Variants in EPHA6 observed in about 807,000 individuals in gnomAD.
EPHA6 encodes ephrin type-A receptor 6.
In EPHA6, 50 loss-of-function variants were observed where a neutral mutation model predicts 112.0. That is an observed-to-expected ratio of 0.45 (90% CI 0.36 to 0.56). The LOEUF is 0.56. EPHA6 is among the 20% of genes least tolerant of loss of function. EPHA6 has a pLI of 0.00. For synonymous variants in EPHA6, 529 were observed against 490.7 expected (o/e 1.08, Z -1.03); for missense variants, 1,280 against 1,417.4 (o/e 0.90, Z 1.56).
intron 3 of EPHA6, among the ~76,000 whole-genome samples, chr3:97,187,845 GA>G: frequency 1.3e-5 from 2 of 152,190 alleles, no homozygotes; most frequent in East Asian, 3.9e-4. Context: ...TACAGAGGGG[GA>G]GGTGCAGTCC....
chr3:97,003,117 T>C (rs1485147894), intron 3 of EPHA6, among the ~76,000 whole-genome samples: 4 of 152,086 alleles, frequency 2.6e-5, no homozygotes, highest in African/African-American at 9.7e-5. Context: ...TTTTCTTTTT[T>C]TTCTTTTGAG....
At chr3:97,062,741 C>T (rs191119737) in intron 3 of EPHA6, among the ~76,000 whole-genome samples, 2 of 152,254 alleles carry the variant, frequency 1.3e-5, no homozygotes, top group Non-Finnish European at 2.9e-5. Context: ...TTGCCTGTCA[C>T]CATGTAAGGT....
intron 3 of EPHA6, among the ~76,000 whole-genome samples, chr3:97,019,409 GT>G (rs773588098): frequency 6.6e-6 from 1 of 151,852 alleles, no homozygotes; most frequent in Non-Finnish European, 1.5e-5. Flanking sequence ...CACAAATGCA[GT>G]TTTTTTTCTT....
chr3:96,926,460 C>G (rs1273013579), intron 2 of EPHA6, among the ~76,000 whole-genome samples: 3 of 152,166 alleles, frequency 2.0e-5, no homozygotes, highest in Non-Finnish European at 2.9e-5. Flanking sequence ...CAACAGTCTT[C>G]CAAAGTCTTA....
chr3:96,814,780 C>G lies in EPHA6; in HGVS notation c.157C>G (p.Arg53Gly). 1.2e-6 allele frequency: 2 copies of G among 1,602,458 alleles called. No individual in the cohort carries two copies. Among genetic ancestry groups the G allele is most frequent in the Non-Finnish European group, 1.7e-6 (2 of 1,173,662 alleles). Residue 53 changes from arginine to glycine, a missense_variant, in exon 1 of 18, where the codon CGG (arginine) becomes GGG (glycine). Physicochemically the swap from Arg to Gly is moderately radical, Grantham distance 125. Around this residue, in one of 4 missense-constraint regions of EPHA6, gnomAD observed 220 missense variants for 171.5 expected, o/e 1.28. Transcript: ENST00000389672. ...GCGCCCCGGGACACCCCCTGCGGGC[C>G]GGGTGGAGGAGGAAGAGGAGGAGGA... ...RGRPGTPPAGRVEEEEEEEEE... is the reference protein window; with the variant it reads ...RGRPGTPPAGGVEEEEEEEEE...
chr3:97,646,035 AG>A, intron 14 of EPHA6: 3 of 1,027,972 alleles, frequency 2.9e-6, no homozygotes, highest in South Asian at 2.0e-5. Flanking sequence ...TCTTTAGAAC[AG>A]TATGCTACAT....
At chr3:97,077,125 T>C (rs192232415) in intron 3 of EPHA6, among the ~76,000 whole-genome samples, 15 of 152,286 alleles carry the variant, frequency 9.8e-5, no homozygotes, top group African/African-American at 3.6e-4. Flanking sequence ...CTGCCCTGAA[T>C]AGTGATTCTT....
At chr3:97,268,779 G>A (rs1426713953) in intron 5 of EPHA6, among the ~76,000 whole-genome samples, 1 of 152,126 alleles carries the variant, frequency 6.6e-6, no homozygotes, top group East Asian at 1.9e-4. Flanking sequence ...CTTTAGAGGA[G>A]AAGATATTTA....
At chr3:96,835,005 A>G (rs1047461473) in intron 1 of EPHA6, among the ~76,000 whole-genome samples, 3 of 152,102 alleles carry the variant, frequency 2.0e-5, no homozygotes, top group African/African-American at 7.2e-5. Flanking sequence ...TCATTCAGTC[A>G]TCACATCTGA....
intron 14 of EPHA6, among the ~76,000 whole-genome samples, chr3:97,653,894 G>T (rs947276604): frequency 6.6e-6 from 1 of 151,852 alleles, no homozygotes; most frequent in Non-Finnish European, 1.5e-5. Context: ...CAGAATCAGA[G>T]AGACAAATAC....
chr3:97,014,212 T>G (rs2044187273), intron 3 of EPHA6, among the ~76,000 whole-genome samples: 1 of 152,056 alleles, frequency 6.6e-6, no homozygotes, highest in Non-Finnish European at 1.5e-5. Flanking sequence ...TCCAACTCAT[T>G]CATTCTAATT....
chr3:97,503,217 A>T (rs1335574398), intron 10 of EPHA6, among the ~76,000 whole-genome samples: 1 of 152,206 alleles, frequency 6.6e-6, no homozygotes, highest in African/African-American at 2.4e-5. Context: ...TATTCATTAC[A>T]TAAATTGTGT....
At chr3:96,921,097 G>C (rs1353910706) in intron 2 of EPHA6, among the ~76,000 whole-genome samples, 1 of 151,906 alleles carries the variant, frequency 6.6e-6, no homozygotes, top group Non-Finnish European at 1.5e-5. Context: ...TAAGGACTAT[G>C]CGTATAACTA....
chr3:96,873,692 G>A (rs989645694), intron 2 of EPHA6, among the ~76,000 whole-genome samples: 1 of 151,892 alleles, frequency 6.6e-6, no homozygotes, highest in Non-Finnish European at 1.5e-5. Context: ...CTTACAAATC[G>A]GTAAAGGAAG....
intron 3 of EPHA6, among the ~76,000 whole-genome samples, chr3:97,197,908 G>A (rs975782719): frequency 2.0e-5 from 3 of 151,974 alleles, no homozygotes; most frequent in African/African-American, 7.3e-5. Flanking sequence ...TCTTCTGTGG[G>A]CACCAGCTGA....
At chr3:97,340,065 A>ATAAAAAATTTTTGAGATGGATATT (rs2083233006) in intron 5 of EPHA6, among the ~76,000 whole-genome samples, 1 of 152,242 alleles carries the variant, frequency 6.6e-6, no homozygotes, top group Non-Finnish European at 1.5e-5. Context: ...TTCAAAATAG[A>ATAAAAAATTTTTGAGATGGATATT]TAAAAAATTT....
At chr3:97,410,044 T>C (rs1440397457) in intron 6 of EPHA6, among the ~76,000 whole-genome samples, 19 of 152,038 alleles carry the variant, frequency 1.2e-4, no homozygotes, top group Non-Finnish European at 1.5e-5. Context: ...GTGGAAAGCT[T>C]TTCATTATGG....
intron 3 of EPHA6, among the ~76,000 whole-genome samples, chr3:97,079,957 T>C (rs1376927815): frequency 6.6e-6 from 1 of 152,016 alleles, no homozygotes; most frequent in African/African-American, 2.4e-5. Flanking sequence ...TTTCAACATG[T>C]TGCTGTTGCA....
intron 3 of EPHA6, among the ~76,000 whole-genome samples, chr3:97,083,777 T>A (rs2046799336): frequency 6.6e-6 from 1 of 151,826 alleles, no homozygotes; most frequent in Non-Finnish European, 1.5e-5. Flanking sequence ...CAGGCATATA[T>A]ACACAAAGAT....
Sources: allele counts gnomAD v4.1 joint callset (sites outside exome capture counted in the v4.1 genomes callset), GRCh38; gene constraint gnomAD v4.1.1; regional missense constraint gnomAD v4.1.1; transcripts MANE v1.5; gene names NCBI Gene and HGNC (gene_info 2026-07-23, HGNC 2026-07-21).